RABGAP1: variants seen among roughly 807,000 people sequenced by gnomAD.
The protein encoded by RABGAP1 is RAB GTPase activating protein 1.
Under a neutral mutation model 137.6 loss-of-function variants are expected in RABGAP1, and 23 were observed. That is an observed-to-expected ratio of 0.17 (90% CI 0.12 to 0.24). RABGAP1 has a LOEUF of 0.24. Among genes scored for constraint, RABGAP1 ranks in the 10% least tolerant of loss-of-function variants. The pLI is 1.00. For missense variants in RABGAP1, 906 were observed against 1,275.8 expected, an observed-to-expected ratio of 0.71 and a Z score of 4.42; for synonymous variants, 451 against 450.7, an observed-to-expected ratio of 1.00 and a Z score of -0.01.
At chr9:122,952,297 C>T (rs1336685100) in intron 1 of RABGAP1, among the ~76,000 whole-genome samples, 2 of 151,338 alleles carry the variant, frequency 1.3e-5, no homozygotes, top group Non-Finnish European at 2.9e-5. Flanking sequence ...CTCGCTCTGT[C>T]GCCCAGGCTG....
At chr9:122,938,674 A>C (rs1833430434), upstream of RABGAP1, 1 of 152,230 alleles carries the variant, frequency 6.6e-6, no homozygotes, top group African/African-American at 2.4e-5. Flanking sequence ...TTGTAGATAC[A>C]ATGTTATGTA....
chr9:122,946,360 A>G (rs913932030), intron 1 of RABGAP1, among the ~76,000 whole-genome samples: 1 of 152,206 alleles, frequency 6.6e-6, no homozygotes, highest in African/African-American at 2.4e-5. Context: ...AAACAGATGC[A>G]TATTCTAAGT....
rs1230191691 is a variant in RABGAP1, at chr9:123,088,993, T to G, written c.2425-765T>G. Reference sequence around the variant, plus strand: ...GAGTAGTCAGAGCAGAGGCCTGACTTACATTAAGGAGGGGCAGGTCTTGAA... The same window carrying G: ...GAGTAGTCAGAGCAGAGGCCTGACTGACATTAAGGAGGGGCAGGTCTTGAA... On this transcript the variant is annotated intron_variant, in intron 19 of 25. Coordinates refer to ENST00000373647, the MANE Select transcript of RABGAP1 (RefSeq NM_012197.4). 3.3e-5 allele frequency among the ~76,000 whole-genome samples: 5 copies of G among 152,134 alleles called. No homozygotes were observed. The South Asian group carries it at 1.0e-3, about 32-fold the overall frequency.
rs1433294147 is a variant in RABGAP1 at position 122,998,742 on chromosome 9, A to G, written c.1350A>G (p.Glu450=). 1 of 1,600,982 alleles carries G rather than the reference A, an allele frequency of 6.2e-7. No homozygotes were observed. Among genetic ancestry groups the G allele is most frequent in the East Asian group, 2.2e-5 (1 of 44,788 alleles). ...FWPFSKRSTT[E]NFFLKLKQIK... ...CCTTCAGCAAACGTAGTACTACTGAAAATTTCTTTTTGAAACTAAAACAGG... is the reference window on the plus strand; with the variant it reads ...CCTTCAGCAAACGTAGTACTACTGAGAATTTCTTTTTGAAACTAAAACAGG... Residue 450 remains glutamate, a synonymous_variant, in exon 10 of 26, where the codon GAA becomes GAG. Coordinates refer to ENST00000373647, the MANE Select transcript of RABGAP1 (RefSeq NM_012197.4).
At chr9:123,060,229 CACCAAAGAA>C (rs2033914822) in intron 13 of RABGAP1, among the ~76,000 whole-genome samples, 1 of 152,204 alleles carries the variant, frequency 6.6e-6, no homozygotes, top group African/African-American at 2.4e-5. Flanking sequence ...TTTGTGTAAA[CACCAAAGAA>C]AATATAAACA....
chr9:122,970,482 CA>C (rs1835412484), intron 2 of RABGAP1, among the ~76,000 whole-genome samples: 2 of 152,202 alleles, frequency 1.3e-5, no homozygotes, highest in South Asian at 2.1e-4. Context: ...ATTTTAGATT[CA>C]GGGGGTACAT....
At chr9:123,058,926 C>A (rs1215741520) in intron 13 of RABGAP1, among the ~76,000 whole-genome samples, 1 of 152,182 alleles carries the variant, frequency 6.6e-6, no homozygotes, top group Non-Finnish European at 1.5e-5. Context: ...CCCAGATACT[C>A]AGGATATTGC....
At chr9:123,003,889 G>A (rs1184686183) in intron 10 of RABGAP1, among the ~76,000 whole-genome samples, 1 of 152,158 alleles carries the variant, frequency 6.6e-6, no homozygotes, top group Non-Finnish European at 1.5e-5. Context: ...CATTTTTATT[G>A]CCAATTAAAC....
chr9:122,951,109 G>C (rs1834220338), intron 1 of RABGAP1, among the ~76,000 whole-genome samples: 1 of 152,166 alleles, frequency 6.6e-6, no homozygotes, highest in African/African-American at 2.4e-5. Flanking sequence ...ACAGTGGGGA[G>C]TTCCATTGAA....
chr9:122,949,848 G>T (rs977683190), intron 1 of RABGAP1, among the ~76,000 whole-genome samples: 3 of 152,142 alleles, frequency 2.0e-5, no homozygotes, highest in Non-Finnish European at 4.4e-5. Context: ...TTGAATACTT[G>T]ATTGTATCCA....
At chr9:123,029,127 A>G (rs1469958912) in intron 13 of RABGAP1, among the ~76,000 whole-genome samples, 1 of 152,052 alleles carries the variant, frequency 6.6e-6, no homozygotes. Flanking sequence ...AAAAGATGCT[A>G]TTTAAGAGGA....
chr9:122,943,776 AC>A (rs1244459563), intron 1 of RABGAP1, among the ~76,000 whole-genome samples: 3 of 151,962 alleles, frequency 2.0e-5, no homozygotes, highest in African/African-American at 7.3e-5. Flanking sequence ...ACACTGTGAA[AC>A]CCCGTCTCTA....
At chr9:122,999,341 C>T (rs1010816929) in intron 10 of RABGAP1, among the ~76,000 whole-genome samples, 1 of 151,724 alleles carries the variant, frequency 6.6e-6, no homozygotes, top group Non-Finnish European at 1.5e-5. Context: ...TGCCAGCATG[C>T]CCGGCTAATT....
At chr9:123,071,676 C>T (rs1018333177) in intron 15 of RABGAP1, among the ~76,000 whole-genome samples, 4 of 152,196 alleles carry the variant, frequency 2.6e-5, no homozygotes, top group African/African-American at 9.7e-5. Flanking sequence ...TTAAAGGCTT[C>T]TCAGGGGAAG....
chr9:123,084,794 A>C (rs944008601), intron 19 of RABGAP1, among the ~76,000 whole-genome samples: 1 of 152,228 alleles, frequency 6.6e-6, no homozygotes, highest in Non-Finnish European at 1.5e-5. Context: ...TTTGATCTTC[A>C]TAACAGTAGT....
In RABGAP1 at chr9:123,036,272, T is replaced by C. The variant is rs183409645; in HGVS notation, c.1794+15813T>C. 5.9e-5 allele frequency among the ~76,000 whole-genome samples: 9 copies of C among 152,316 alleles called. No homozygotes were observed. The East Asian group carries it at 1.2e-3, about 20-fold the overall frequency. The stretch of plus-strand genomic sequence containing the variant: ...ATGAAGCAAAAGTGCAATCAAATTA[T>C]ACAATTTATGAAAAACTGAGCTACT... On this transcript the variant is annotated intron_variant, in intron 13 of 25. Coordinates refer to ENST00000373647, the MANE Select transcript of RABGAP1 (RefSeq NM_012197.4).
intron 2 of RABGAP1, among the ~76,000 whole-genome samples, chr9:122,973,331 G>A (rs557514307): frequency 1.3e-5 from 2 of 152,128 alleles, no homozygotes; most frequent in Admixed American, 6.5e-5. Context: ...TCCACCTCTC[G>A]GGTTCACACC....
chr9:122,964,214 C>T (rs1157600957), intron 2 of RABGAP1, among the ~76,000 whole-genome samples: 1 of 152,178 alleles, frequency 6.6e-6, no homozygotes, highest in Admixed American at 6.5e-5. Context: ...CCAACTTACT[C>T]TATGAGAACA....
chr9:122,939,656 C>T, upstream of RABGAP1: 1 of 152,090 alleles, frequency 6.6e-6, no homozygotes, highest in East Asian at 1.9e-4. Flanking sequence ...AAAGTATGGG[C>T]ACCAAAACGT....
Sources: gnomAD v4.1 joint callset for allele counts (sites outside exome capture counted in the v4.1 genomes callset) on GRCh38, gnomAD v4.1.1 for gene constraint, MANE v1.5 for transcripts, NCBI Gene and HGNC (gene_info 2026-07-23, HGNC 2026-07-21) for gene names.